CCSER1: variants seen among roughly 807,000 people sequenced by gnomAD.
CCSER1 encodes serine-rich coiled-coil domain-containing protein 1.
CCSER1 carries 41 observed loss-of-function variants against 82.0 expected under a neutral mutation model. That is an observed-to-expected ratio of 0.50 (90% CI 0.39 to 0.65). The LOEUF is 0.65. CCSER1 is among the 30% of genes least tolerant of loss of function. The pLI is 0.00. For missense variants in CCSER1, 1,119 were observed against 1,064.2 expected, an observed-to-expected ratio of 1.05 and a Z score of -0.72; for synonymous variants, 414 against 383.9, an observed-to-expected ratio of 1.08 and a Z score of -0.92.
intron 6 of CCSER1, among the ~76,000 whole-genome samples, chr4:90,656,320 T>G (rs1729694315): frequency 1.3e-5 from 2 of 151,822 alleles, no homozygotes; most frequent in African/African-American, 4.8e-5. Flanking sequence ...CTATGAATTT[T>G]TCTATTTATC....
rs369152020 is a variant in CCSER1 at position 90,839,068 on chromosome 4, C to T, written c.2094+23223C>T. On this transcript the variant is annotated intron_variant, in intron 8 of 10. Coordinates refer to ENST00000509176, the MANE Select transcript of CCSER1 (RefSeq NM_001145065.2). The stretch of plus-strand genomic sequence containing the variant: ...CGGAGGAAAAGCGGAGCGAGGCGCG[C>T]GAGTACGAGCGAAGTCTGGTCTGCG... The T allele has an allele frequency of 2.1e-4, 328 of 1,594,430 alleles. 1 individual carries two copies. The highest frequency in any genetic ancestry group is 1.3e-3 in the South Asian group (116 of 90,656).
At chr4:90,476,430 G>A (rs939590691) in intron 5 of CCSER1, among the ~76,000 whole-genome samples, 1 of 152,014 alleles carries the variant, frequency 6.6e-6, no homozygotes, top group African/African-American at 2.4e-5. Flanking sequence ...GGGTCGGTGG[G>A]GGCATTCACC....
chr4:90,896,574 G>A (rs560857908), intron 8 of CCSER1, among the ~76,000 whole-genome samples: 82 of 152,010 alleles, frequency 5.4e-4, no homozygotes, highest in African/African-American at 1.8e-3. Flanking sequence ...CATACAGCTG[G>A]TAATATTCAT....
chr4:91,424,001 CTTTTTTTTTTTTTT>C (rs1167472932), intron 10 of CCSER1, among the ~76,000 whole-genome samples: 3 of 77,454 alleles, frequency 3.9e-5, no homozygotes, highest in East Asian at 4.8e-4. Flanking sequence ...CTCAGCAGAT[CTTTTTTTTTTTTTT>C]TTTTTTTTTT....
At chr4:91,563,510 TAGTGTTCCATATCTACACACAC>T (rs143633822) in intron 10 of CCSER1, among the ~76,000 whole-genome samples, 10,409 of 151,374 alleles carry the variant, frequency 0.069, 388 homozygotes, top group African/African-American at 0.097. Flanking sequence ...AAATTAGATA[TAGTGTTCCATATCTACACACAC>T]AGTGTTCCAT....
At chr4:90,957,079 C>T (rs985396518) in intron 9 of CCSER1, among the ~76,000 whole-genome samples, 1 of 146,006 alleles carries the variant, frequency 6.8e-6, no homozygotes, top group African/African-American at 2.5e-5. Flanking sequence ...GCAGATCCAG[C>T]CTGATATTTC....
At chr4:90,448,142 T>G (rs1169658181) in intron 4 of CCSER1, among the ~76,000 whole-genome samples, 1 of 152,030 alleles carries the variant, frequency 6.6e-6, no homozygotes, top group Non-Finnish European at 1.5e-5. Flanking sequence ...CTTTAAAAAA[T>G]TATTGTTTTC....
At chr4:90,617,899 A>G (rs573840016) in intron 5 of CCSER1, among the ~76,000 whole-genome samples, 55 of 152,196 alleles carry the variant, frequency 3.6e-4, no homozygotes, top group South Asian at 3.3e-3. Flanking sequence ...GTATATAATT[A>G]TGTATAAACC....
At chr4:91,122,641 C>T (rs1460241121) in intron 10 of CCSER1, among the ~76,000 whole-genome samples, 1 of 151,676 alleles carries the variant, frequency 6.6e-6, no homozygotes, top group East Asian at 1.9e-4. Flanking sequence ...GATCATATTC[C>T]GTTGGAAGTG....
At chr4:90,800,744 C>T (rs1303946720) in intron 7 of CCSER1, among the ~76,000 whole-genome samples, 3 of 152,092 alleles carry the variant, frequency 2.0e-5, no homozygotes, top group Non-Finnish European at 4.4e-5. Context: ...TTTAGGAGAT[C>T]AGAAAACTAA....
intron 9 of CCSER1, among the ~76,000 whole-genome samples, chr4:91,007,687 A>C (rs1404682149): frequency 6.6e-6 from 1 of 151,746 alleles, no homozygotes; most frequent in Non-Finnish European, 1.5e-5. Flanking sequence ...AAAAAAAAAA[A>C]AAAACTCTTT....
chr4:90,455,182 A>C (rs1762007690), intron 4 of CCSER1, among the ~76,000 whole-genome samples: 1 of 152,216 alleles, frequency 6.6e-6, no homozygotes, highest in Non-Finnish European at 1.5e-5. Flanking sequence ...ATTTGCTCTC[A>C]TGTCTACAGA....
chr4:90,151,525 A>AT (rs2153351423), intron 1 of CCSER1, among the ~76,000 whole-genome samples: 1 of 152,182 alleles, frequency 6.6e-6, no homozygotes, highest in Non-Finnish European at 1.5e-5. Context: ...ATTAACAGGC[A>AT]TTTAATATTT....
chr4:90,691,546 T>C (rs912671928), intron 6 of CCSER1, among the ~76,000 whole-genome samples: 8 of 135,386 alleles, frequency 5.9e-5, no homozygotes, highest in Non-Finnish European at 8.4e-5. Flanking sequence ...AATACATGTG[T>C]ACATATCACA....
intron 1 of CCSER1, among the ~76,000 whole-genome samples, chr4:90,170,581 AT>A (rs200969879): frequency 3.0e-3 from 447 of 149,960 alleles, no homozygotes; most frequent in Middle Eastern, 0.014. Context: ...TCATGAGTTC[AT>A]TTTTTTTTAG....
chr4:91,233,126 AAG>A (rs1738749885), intron 10 of CCSER1, among the ~76,000 whole-genome samples: 2 of 151,922 alleles, frequency 1.3e-5, no homozygotes, highest in East Asian at 1.9e-4. Flanking sequence ...GAAAGAGAGA[AAG>A]AGAGGAAGGG....
chr4:91,375,429 TGGGTAA>T (rs1459382144), intron 10 of CCSER1, among the ~76,000 whole-genome samples: 1 of 152,040 alleles, frequency 6.6e-6, no homozygotes, highest in Non-Finnish European at 1.5e-5. Flanking sequence ...AGCTCTACTG[TGGGTAA>T]AATGTTATCA....
At chr4:91,440,761 GA>G (rs1223772537) in intron 10 of CCSER1, among the ~76,000 whole-genome samples, 2 of 152,000 alleles carry the variant, frequency 1.3e-5, no homozygotes, top group African/African-American at 4.8e-5. Flanking sequence ...GAATCAAATA[GA>G]TGCAATAAAA....
At chr4:90,723,758 A>T (rs559069752) in intron 6 of CCSER1, among the ~76,000 whole-genome samples, 156 bp from the exon 7 acceptor site, 1 of 152,000 alleles carries the variant, frequency 6.6e-6, no homozygotes, top group Non-Finnish European at 1.5e-5. Context: ...GATTTATTAT[A>T]TAATTATGAT....
Sources: allele counts gnomAD v4.1 joint callset (sites outside exome capture counted in the v4.1 genomes callset), GRCh38; gene constraint gnomAD v4.1.1; transcripts MANE v1.5; gene names NCBI Gene and HGNC (gene_info 2026-07-23, HGNC 2026-07-21).